The following ABCB9 variants were observed in gnomAD, a reference collection of about 807,000 sequenced individuals.
ABCB9 encodes ABC-type oligopeptide transporter ABCB9.
ABCB9 carries 36 observed loss-of-function variants against 62.0 expected under a neutral mutation model. The observed-to-expected ratio is 0.58, with a 90% CI of 0.45 to 0.77. The LOEUF (loss-of-function observed/expected upper bound fraction) is 0.77, where lower values mean the gene tolerates loss of function less well. Among genes scored for constraint, ABCB9 ranks in the 30% least tolerant of loss-of-function variants. ABCB9 has a pLI of 0.00. For missense variants in ABCB9, 943 were observed against 1,054.7 expected, an observed-to-expected ratio of 0.89 and a Z score of 1.47; for synonymous variants, 435 against 461.4, an observed-to-expected ratio of 0.94 and a Z score of 0.73.
chr12:122,947,679 C>T lies in ABCB9; in HGVS notation c.1053+945G>A, dbSNP rs1566176912. On this transcript the variant is annotated intron_variant, in intron 5 of 11. Coordinates refer to ENST00000280560, the MANE Select transcript of ABCB9 (RefSeq NM_019625.4). This position sits in a 1 kb window ranked among gnomAD's most constrained non-coding sequence, Gnocchi z 6.0. ...GGAGGGTGAGGTCAAACCTGGCTCA[C>T]GGCCCTAGCTCGGAAGCAGAAGCAG... The T allele has an allele frequency of 7.1e-6, 2 of 281,988 alleles. No homozygotes were observed. Among genetic ancestry groups the T allele is most frequent in the South Asian group, 2.8e-5 (1 of 35,302 alleles). 17.5% of individuals were successfully genotyped at this position (281,988 alleles called of 1,614,324 possible). A position where few individuals can be genotyped will look rare whatever the true frequency, so the allele number is the denominator to read the frequency against.
intron 7 of ABCB9, among the ~76,000 whole-genome samples, chr12:122,942,340 C>A (rs2035805777): frequency 6.6e-6 from 1 of 152,056 alleles, no homozygotes; most frequent in African/African-American, 2.4e-5. Flanking sequence ...GTAATCCCAG[C>A]ACTTTGGGAG....
intron 5 of ABCB9, 133 bp from the exon 6 acceptor site, chr12:122,946,355 A>G (rs565622672): frequency 9.5e-5 from 82 of 866,838 alleles, no homozygotes; most frequent in Non-Finnish European, 1.2e-4. Flanking sequence ...TAGGACAAAA[A>G]GACAAGATCT....
intron 7 of ABCB9, among the ~76,000 whole-genome samples, chr12:122,942,758 A>C (rs533206644): frequency 6.6e-6 from 1 of 152,170 alleles, no homozygotes; most frequent in East Asian, 1.9e-4. Flanking sequence ...GAGTCATGAA[A>C]GCACCACTGC....
intron 1 of ABCB9, among the ~76,000 whole-genome samples, chr12:122,962,443 T>A (rs2036953749): frequency 6.6e-6 from 1 of 151,916 alleles, no homozygotes; most frequent in Admixed American, 6.6e-5. Context: ...CTGAGAGAGA[T>A]CCTCTCCCCG....
At chr12:122,936,779 C>T (rs2035478392) in intron 9 of ABCB9, among the ~76,000 whole-genome samples, 1 of 151,676 alleles carries the variant, frequency 6.6e-6, no homozygotes, top group African/African-American at 2.4e-5. Flanking sequence ...TGGTGCATGC[C>T]TGTAATCCCA....
chr12:122,919,364 G>T (rs1174143557), downstream of ABCB9, among the ~76,000 whole-genome samples: 3 of 151,944 alleles, frequency 2.0e-5, no homozygotes, highest in Non-Finnish European at 4.4e-5. Context: ...TAGGGATGGG[G>T]TCCCACTATG....
chr12:122,922,897 G>A (rs1456186072), intron 11 of ABCB9, among the ~76,000 whole-genome samples: 4 of 151,422 alleles, frequency 2.6e-5, no homozygotes, highest in East Asian at 2.0e-4. Context: ...GGGCTTAAGC[G>A]ATTTTCCCAT....
chr12:122,961,993 A>G (rs1310933940), intron 1 of ABCB9, among the ~76,000 whole-genome samples: 1 of 152,222 alleles, frequency 6.6e-6, no homozygotes, highest in Admixed American at 6.5e-5. Flanking sequence ...AGGGAACTTG[A>G]CAGCTGTGGG....
chr12:122,969,921 A>C (rs2037251531), upstream of ABCB9, among the ~76,000 whole-genome samples: 1 of 152,176 alleles, frequency 6.6e-6, no homozygotes, highest in South Asian at 2.1e-4. Context: ...TGGGAATGCA[A>C]AACAGTCCAG....
intron 3 of ABCB9, 142 bp downstream of exon 3, chr12:122,950,309 G>C (rs2036293023): frequency 1.3e-6 from 1 of 772,070 alleles, no homozygotes; most frequent in African/African-American, 1.7e-5. Context: ...CCGGTTCCCA[G>C]GGTGACCAGC....
At position 122,944,173 on chromosome 12, in the gene ABCB9, C is replaced by T. The variant is rs539814553; in HGVS notation, c.1380+218G>A. Among the ~76,000 whole-genome samples the T allele has an allele frequency of 6.6e-6, 1 of 152,272 alleles. No individual in the cohort carries two copies. Among genetic ancestry groups the T allele is most frequent in the Admixed American group, 6.5e-5 (1 of 15,296 alleles). ...CGAACTCCTGACCTCAAGTGATCCA[C>T]CCGCCTCCGCCTCCCAAAGTTCTGG... is the stretch of plus-strand genomic sequence containing the variant. On this transcript the variant is annotated intron_variant, in intron 7 of 11. Coordinates refer to ENST00000280560, the MANE Select transcript of ABCB9 (RefSeq NM_019625.4). The surrounding 1 kb of genome is among the most constrained non-coding windows in gnomAD (Gnocchi z 4.9).
chr12:122,961,063 A>G (rs1257772552), intron 1 of ABCB9, among the ~76,000 whole-genome samples: 1 of 149,640 alleles, frequency 6.7e-6, no homozygotes, highest in Non-Finnish European at 1.5e-5. Flanking sequence ...TCCTATCTCT[A>G]AAAAAAAAAA....
downstream of ABCB9, among the ~76,000 whole-genome samples, chr12:122,928,284 A>G (rs1254396389): frequency 6.6e-6 from 1 of 152,126 alleles, no homozygotes. Flanking sequence ...AGCCTGGCCA[A>G]CACAGTGAAA....
intron 4 of ABCB9, 148 bp from the exon 5 acceptor site, chr12:122,948,977 T>G: frequency 5.7e-5 from 36 of 627,114 alleles, no homozygotes; most frequent in Admixed American, 1.3e-4. Flanking sequence ...GAAGAGCAGA[T>G]ACCCCTCGAG....
At chr12:122,923,305 T>G (rs2034796077) in intron 11 of ABCB9, among the ~76,000 whole-genome samples, 1 of 151,684 alleles carries the variant, frequency 6.6e-6, no homozygotes, top group African/African-American at 2.4e-5. Context: ...TTATTTTTTT[T>G]GAGACGGAGT....
Position 122,948,596 on chromosome 12 carries a change from G to C in ABCB9, c.1053+28C>G, listed in dbSNP as rs760519823. The C allele has an allele frequency of 3.3e-5, 52 of 1,582,574 alleles. No individual in the cohort carries two copies. In the South Asian group the frequency reaches 5.6e-4, roughly 17 times the overall value. ...TGTTTGGGGGCTGCCAGGGTGCACA[G>C]TCCCCAGCAGAGACAGGGCAGGCCT... is the stretch of plus-strand genomic sequence containing the variant. On this transcript the variant is annotated intron_variant, in intron 5 of 11. Transcript: ENST00000280560.
At chr12:122,950,753 G>C (rs2036323637) in intron 2 of ABCB9, 188 bp from the exon 3 acceptor site, 3 of 554,740 alleles carry the variant, frequency 5.4e-6, no homozygotes, top group Non-Finnish European at 9.8e-6. Context: ...TCAGAGAACA[G>C]GGGAGCACTG....
chr12:122,922,472 C>T lies in ABCB9; in HGVS notation c.2041-1429G>A, dbSNP rs149469897. Among the ~76,000 whole-genome samples the T allele has an allele frequency of 8.0e-4, 121 of 152,194 alleles. 1 individual carries two copies. The highest frequency in any genetic ancestry group is 2.7e-3 in the African/African-American group (111 of 41,550). ...TTAGCTCATTGCAACCTCCGCCTCC[C>T]GGGTTCAAGTGATTCTCCTGCCTCA... On this transcript the variant is annotated intron_variant, in intron 11 of 11. Coordinates refer to the ABCB9 transcript ENST00000344275.
Position 122,929,968 on chromosome 12 carries a change from G to T in ABCB9, c.2244C>A (p.Ala748=). 1 of 1,580,264 alleles carries T rather than the reference G, an allele frequency of 6.3e-7. No individual in the cohort carries two copies. The change falls in exon 12 of 12, where the codon GCC becomes GCA. Residue 748 remains alanine, a synonymous_variant. Transcript: ENST00000280560. This position sits in a 1 kb window ranked among gnomAD's most constrained non-coding sequence, Gnocchi z 6.0. ...VQRQMLGLQP[A]ADFTAGHNEP... is the part of the protein sequence containing the mutation. ...CGTTGTGGCCAGCTGTGAAGTCTGCGGCGGGCTGAAGCCCCAGCATCTGCC... is the reference window on the plus strand; with the variant it reads ...CGTTGTGGCCAGCTGTGAAGTCTGCTGCGGGCTGAAGCCCCAGCATCTGCC...
Sources: gnomAD v4.1 joint callset for allele counts (sites outside exome capture counted in the v4.1 genomes callset) on GRCh38, gnomAD v4.1.1 for gene constraint, Gnocchi (gnomAD v3.1) non-coding constraint, MANE v1.5 for transcripts, NCBI Gene and HGNC (gene_info 2026-07-23, HGNC 2026-07-21) for gene names.